TMEM39B: variants seen among roughly 807,000 people sequenced by gnomAD.
TMEM39B encodes the protein transmembrane protein 39B.
TMEM39B carries 23 observed loss-of-function variants against 52.2 expected under a neutral mutation model. The ratio of observed to expected loss-of-function variants is 0.44; its 90% CI spans 0.32 to 0.62. The LOEUF (loss-of-function observed/expected upper bound fraction) is 0.62, where lower values mean the gene tolerates loss of function less well. Among genes scored for constraint, TMEM39B ranks in the 20% least tolerant of loss-of-function variants. The probability of loss-of-function intolerance (pLI) is 0.06; values close to 1 mark genes in which losing one functional copy is unlikely to be tolerated. For synonymous variants in TMEM39B, 285 were observed against 264.0 expected, an observed-to-expected ratio of 1.08 and a Z score of -0.77; for missense variants, 547 against 642.0, an observed-to-expected ratio of 0.85 and a Z score of 1.60.
intron 8 of TMEM39B, 52 bp from the exon 9 acceptor site, chr1:32,102,379 A>C: frequency 6.3e-7 from 1 of 1,576,610 alleles, no homozygotes; most frequent in Non-Finnish European, 8.6e-7. Context: ...CCCATCCAGG[A>C]GGAAGATTTC....
intron 5 of TMEM39B, among the ~76,000 whole-genome samples, chr1:32,089,649 A>ATT (rs776523618): frequency 2.2e-5 from 3 of 135,212 alleles, no homozygotes; most frequent in African/African-American, 5.5e-5. Context: ...GTAAAAGGAG[A>ATT]TTTTTTTTTT....
chr1:32,073,266 C>G (rs540158386), intron 1 of TMEM39B: 7 of 580,502 alleles, frequency 1.2e-5, no homozygotes, highest in East Asian at 3.5e-5. Context: ...GCTTCTAAGA[C>G]GAAGCCCTGT....
At chr1:32,088,153 C>T (rs935364475) in intron 5 of TMEM39B, among the ~76,000 whole-genome samples, 2 of 136,050 alleles carry the variant, frequency 1.5e-5, no homozygotes, top group Admixed American at 7.6e-5. Flanking sequence ...CACGGTGGCT[C>T]ATGCCTGTAA....
chr1:32,102,794 A>AT lies in TMEM39B; in HGVS notation c.*126dup. On this transcript the variant is annotated 3_prime_UTR_variant, in exon 9 of 9. Transcript: ENST00000336294. ...ACAAAAAAATCCACCAGAGCTTTGT[A>AT]TTTTTGTTACGTACTGTTTCTTTGA... is the stretch of plus-strand genomic sequence containing the variant. 1 of 1,205,326 alleles carries AT rather than the reference A, an allele frequency of 8.3e-7. No homozygotes were observed. The highest frequency in any genetic ancestry group is 2.7e-5 in the East Asian group (1 of 36,516). The allele number at this position is 1,205,326 out of a possible 1,614,324, so 74.7% of individuals were successfully genotyped here.
At chr1:32,097,532 A>G (rs1399963455) in intron 7 of TMEM39B, among the ~76,000 whole-genome samples, 3 of 151,942 alleles carry the variant, frequency 2.0e-5, no homozygotes, top group African/African-American at 7.3e-5. Flanking sequence ...GGGTTTCACC[A>G]TGCTGGCCAG....
Position 32,102,579 on chromosome 1 carries a change from C to T in TMEM39B, c.1385C>T (p.Ala462Val), listed in dbSNP as rs1418506692. ...LALILFSNYY[A>V]FFKLLRDRLV... ...CTCATCCTCTTCAGCAACTACTATG[C>T]CTTCTTCAAGCTGCTCCGGGACCGC... The change falls in exon 9 of 9, where the codon GCC becomes GTC. Residue 462 changes from alanine to valine, a missense_variant. Physicochemically the swap from Ala to Val is moderately conservative, Grantham distance 64. Coordinates refer to ENST00000336294, the MANE Select transcript of TMEM39B (RefSeq NM_018056.4). 6.2e-7 allele frequency: 1 copy of T among 1,613,966 alleles called. No homozygotes were observed. Among genetic ancestry groups the T allele is most frequent in the African/African-American group, 1.3e-5 (1 of 74,894 alleles).
At chr1:32,081,352 A>G (rs868681098) in intron 5 of TMEM39B, among the ~76,000 whole-genome samples, 37 of 151,422 alleles carry the variant, frequency 2.4e-4, no homozygotes, top group South Asian at 2.1e-4. Context: ...GCTCACTGCA[A>G]CCTCTGCCTC....
intron 8 of TMEM39B, among the ~76,000 whole-genome samples, chr1:32,100,960 G>A (rs1044019904): frequency 2.0e-5 from 3 of 152,186 alleles, no homozygotes; most frequent in African/African-American, 7.2e-5. Flanking sequence ...GAACTCAGGA[G>A]ACGGAGGTTG....
At chr1:32,073,268 A>G in intron 1 of TMEM39B, 1 of 587,188 alleles carries the variant, frequency 1.7e-6, no homozygotes, top group Non-Finnish European at 2.7e-6. Context: ...TTCTAAGACG[A>G]AGCCCTGTGG....
chr1:32,072,099 G>A (rs1639676641), upstream of TMEM39B: 1 of 152,118 alleles, frequency 6.6e-6, no homozygotes, highest in Admixed American at 6.5e-5. Flanking sequence ...TTGACTGTAA[G>A]CTCTATGACT....
intron 5 of TMEM39B, among the ~76,000 whole-genome samples, chr1:32,083,409 CTTTTTTTTTTTTTTTTTTTT>C (rs1052027069): frequency 7.3e-5 from 4 of 54,626 alleles, no homozygotes; most frequent in Non-Finnish European, 1.4e-4. Context: ...TAAAGGACTT[CTTTTTTTTTTTTTTTTTTTT>C]TTTTTTTTTT....
At position 32,102,770 on chromosome 1, in the gene TMEM39B, C is replaced by T; in HGVS notation, c.*97C>T. The T allele has an allele frequency of 7.5e-7, 1 of 1,326,438 alleles. No homozygotes were observed. The highest frequency in any genetic ancestry group is 9.9e-7 in the Non-Finnish European group (1 of 1,012,534). 82.2% of individuals were successfully genotyped at this position (1,326,438 alleles called of 1,614,324 possible). A position where few individuals can be genotyped will look rare whatever the true frequency, so the allele number is the denominator to read the frequency against. ...AAGTGGTGGTGGGGGGGACAAAAGA[C>T]AAAAAAATCCACCAGAGCTTTGTAT... On this transcript the variant is annotated 3_prime_UTR_variant, in exon 9 of 9. Transcript: ENST00000336294.
chr1:32,085,750 C>CAA lies in TMEM39B; in HGVS notation c.591-5910_591-5909dup, dbSNP rs113814805. Among the ~76,000 whole-genome samples, 715 of 127,804 alleles carry CAA rather than the reference C, an allele frequency of 5.6e-3. 3 individuals carry two copies. The highest frequency in any genetic ancestry group is 0.017 in the African/African-American group (610 of 35,054). The allele number at this position is 127,804 out of a possible 152,430, so 83.8% of individuals were successfully genotyped here. On this transcript the variant is annotated intron_variant, in intron 5 of 8. Coordinates refer to ENST00000336294, the MANE Select transcript of TMEM39B (RefSeq NM_018056.4). ...TGGGCAACAGAGCGAGACTCTGTCTCAAAAAAAAAAAAAAAATTCCCTTAT... is the reference window on the plus strand; with the variant it reads ...TGGGCAACAGAGCGAGACTCTGTCTCAAAAAAAAAAAAAAAAAATTCCCTTAT...
chr1:32,075,418 C>G (rs1047352868), intron 2 of TMEM39B, among the ~76,000 whole-genome samples, 185 bp from the exon 3 acceptor site: 2 of 152,132 alleles, frequency 1.3e-5, no homozygotes, highest in Admixed American at 1.3e-4. Context: ...TGTTGGAAGA[C>G]CTGAATAAGA....
At chr1:32,073,781 A>G (rs1023627048) in intron 1 of TMEM39B, 8 of 985,354 alleles carry the variant, frequency 8.1e-6, no homozygotes, top group Non-Finnish European at 9.6e-6. Context: ...TCCAAGCCCA[A>G]AATTGGCTCC....
At chr1:32,084,530 A>G (rs947839359) in intron 5 of TMEM39B, among the ~76,000 whole-genome samples, 5 of 152,026 alleles carry the variant, frequency 3.3e-5, no homozygotes, top group Admixed American at 6.6e-5. Context: ...TTCTGCCCTC[A>G]TACTTGATTG....
chr1:32,089,716 G>A (rs763659241), intron 5 of TMEM39B, among the ~76,000 whole-genome samples: 13 of 148,346 alleles, frequency 8.8e-5, no homozygotes, highest in Admixed American at 4.1e-4. Context: ...GTGTGATCTC[G>A]GCTCATTGCA....
chr1:32,094,637 T>G, intron 6 of TMEM39B, 147 bp from the exon 7 acceptor site: 1 of 893,258 alleles, frequency 1.1e-6, no homozygotes, highest in Non-Finnish European at 1.7e-6. Context: ...CTAAGCCTTG[T>G]TTGTTGGGTG....
At chr1:32,102,318 G>A in intron 8 of TMEM39B, 113 bp from the exon 9 acceptor site, 1 of 1,439,320 alleles carries the variant, frequency 6.9e-7, no homozygotes, top group Non-Finnish European at 9.4e-7. Context: ...CCCCACCCAT[G>A]TCTGCATGGG....
Sources: gnomAD v4.1 joint callset for allele counts (sites outside exome capture counted in the v4.1 genomes callset) on GRCh38, gnomAD v4.1.1 for gene constraint, MANE v1.5 for transcripts, NCBI Gene and HGNC (gene_info 2026-07-23, HGNC 2026-07-21) for gene names.